MAD1L1: variants seen among roughly 807,000 people sequenced by gnomAD.
The protein encoded by MAD1L1 is mitotic arrest deficient 1 like 1.
Under a neutral mutation model 96.9 loss-of-function variants are expected in MAD1L1, and 95 were observed. The observed-to-expected ratio is 0.98, with a 90% CI of 0.83 to 1.16. The LOEUF is 1.16. MAD1L1 is among the 50% of genes most tolerant of loss of function. The pLI, the probability that MAD1L1 is intolerant of heterozygous loss-of-function variation, is 0.00. For missense variants in MAD1L1, 1,007 were observed against 954.4 expected, an observed-to-expected ratio of 1.06 and a Z score of -0.73; for synonymous variants, 473 against 396.6, an observed-to-expected ratio of 1.19 and a Z score of -2.29.
At position 2,010,493 on chromosome 7, in the gene MAD1L1, G is replaced by A. The variant is rs188788662; in HGVS notation, c.1359+4009C>T. On this transcript the variant is annotated intron_variant, in intron 13 of 18. Transcript: ENST00000265854. Reference sequence around the variant, plus strand: ...GTTGAATCAAGGTGGCGTGCACTGCGTATTTATAGCTCTATCCACAGAGGA... The same window carrying A: ...GTTGAATCAAGGTGGCGTGCACTGCATATTTATAGCTCTATCCACAGAGGA... Among the ~76,000 whole-genome samples the A allele has an allele frequency of 4.2e-4, 64 of 152,236 alleles. No individual in the cohort carries two copies. In the East Asian group the frequency reaches 6.2e-3, roughly 15 times the overall value.
At position 1,863,587 on chromosome 7, in the gene MAD1L1, G is replaced by A. The variant is rs114588098; in HGVS notation, c.1998+34613C>T. 4.0e-3 allele frequency among the ~76,000 whole-genome samples: 614 copies of A among 152,330 alleles called. 5 individuals are homozygous for A. The highest frequency in any genetic ancestry group is 0.013 in the African/African-American group (560 of 41,576). ...AGCCACATCTCACCCCCAGACCCAG[G>A]AGGAGACTTGGGCTTGCAGAGACCG... On this transcript the variant is annotated intron_variant, in intron 18 of 18. Coordinates refer to ENST00000265854, the MANE Select transcript of MAD1L1 (RefSeq NM_001013836.2).
At chr7:2,044,692 G>A (rs1453141096) in intron 12 of MAD1L1, among the ~76,000 whole-genome samples, 1 of 152,164 alleles carries the variant, frequency 6.6e-6, no homozygotes, top group Non-Finnish European at 1.5e-5. Context: ...CAGCGAGGGC[G>A]ACTCAGCACA....
chr7:1,984,805 T>C (rs1260860814), intron 14 of MAD1L1, among the ~76,000 whole-genome samples: 3 of 152,266 alleles, frequency 2.0e-5, no homozygotes, highest in African/African-American at 2.4e-5. Context: ...TTTGTGTCTA[T>C]TTCTGTTGTA....
intron 18 of MAD1L1, among the ~76,000 whole-genome samples, chr7:1,818,861 G>C (rs1320631557): frequency 6.6e-6 from 1 of 151,538 alleles, no homozygotes; most frequent in East Asian, 1.9e-4. Flanking sequence ...CCCTCCAGGT[G>C]GGGGTGGGGG....
intron 18 of MAD1L1, among the ~76,000 whole-genome samples, chr7:1,850,904 G>A (rs1783934404): frequency 6.6e-6 from 1 of 152,180 alleles, no homozygotes; most frequent in South Asian, 2.1e-4. Context: ...ACCCCGTGTG[G>A]GACCCCCATA....
intron 16 of MAD1L1, among the ~76,000 whole-genome samples, chr7:1,941,216 G>C (rs536479764): frequency 4.3e-4 from 65 of 152,316 alleles, no homozygotes; most frequent in African/African-American, 1.5e-3. Flanking sequence ...AGGACGTCAA[G>C]TTCCCCGGGG....
chr7:2,220,845 C>T (rs1405005113), intron 5 of MAD1L1: 5 of 1,566,580 alleles, frequency 3.2e-6, no homozygotes, highest in African/African-American at 1.4e-5. Flanking sequence ...ACAATAAACA[C>T]ATCCTCCCAG....
chr7:2,115,216 T>C (rs1787604655), intron 11 of MAD1L1, among the ~76,000 whole-genome samples: 1 of 152,084 alleles, frequency 6.6e-6, no homozygotes, highest in Non-Finnish European at 1.5e-5. Flanking sequence ...TCCCGCATGT[T>C]CCGGGGTCAG....
At chr7:2,061,702 A>C (rs1158429009) in intron 12 of MAD1L1, among the ~76,000 whole-genome samples, 1 of 152,258 alleles carries the variant, frequency 6.6e-6, no homozygotes, top group Non-Finnish European at 1.5e-5. Flanking sequence ...AACGTCATAC[A>C]CGTGTTAAAA....
chr7:1,827,657 AGCCCGGCCCGG>A (rs1782488706), intron 18 of MAD1L1, among the ~76,000 whole-genome samples: 1 of 93,628 alleles, frequency 1.1e-5, no homozygotes, highest in Non-Finnish European at 2.3e-5. Flanking sequence ...TCCCCTCCTG[AGCCCGGCCCGG>A]GTGTGGGGGC....
intron 12 of MAD1L1, among the ~76,000 whole-genome samples, chr7:2,062,235 C>T (rs1424478567): frequency 2.1e-5 from 3 of 140,610 alleles, no homozygotes; most frequent in Admixed American, 7.4e-5. Flanking sequence ...GAGCGAGACT[C>T]CATTTCAAAA....
intron 10 of MAD1L1, among the ~76,000 whole-genome samples, chr7:2,153,377 G>A (rs757457491): frequency 3.3e-5 from 5 of 152,080 alleles, no homozygotes; most frequent in Non-Finnish European, 7.4e-5. Flanking sequence ...GAAAAAGTAG[G>A]CAAAGGACAC....
intron 18 of MAD1L1, among the ~76,000 whole-genome samples, chr7:1,866,606 G>A (rs577565003): frequency 6.6e-6 from 1 of 152,330 alleles, no homozygotes; most frequent in African/African-American, 2.4e-5. Context: ...AGACGCCACG[G>A]GAGGCTGCGG....
chr7:2,124,154 G>C (rs992681999), intron 11 of MAD1L1, among the ~76,000 whole-genome samples: 1 of 152,312 alleles, frequency 6.6e-6, no homozygotes, highest in East Asian at 1.9e-4. Flanking sequence ...GCCACGCCAC[G>C]CCCCTGCTCA....
intron 12 of MAD1L1, among the ~76,000 whole-genome samples, chr7:2,017,157 C>T (rs934116454): frequency 1.3e-5 from 2 of 152,220 alleles, no homozygotes; most frequent in African/African-American, 4.8e-5. Flanking sequence ...ACAGCAGGCA[C>T]GGTGTGGGTG....
intron 10 of MAD1L1, among the ~76,000 whole-genome samples, chr7:2,200,082 T>C (rs1013993014): frequency 4.6e-5 from 7 of 152,134 alleles, no homozygotes; most frequent in Admixed American, 2.6e-4. Context: ...CTGCCCTCCA[T>C]CCTCCACCCC....
chr7:2,083,812 G>A (rs897274400), intron 11 of MAD1L1, among the ~76,000 whole-genome samples: 4 of 152,202 alleles, frequency 2.6e-5, no homozygotes, highest in South Asian at 2.1e-4. Context: ...CTGCAGGAGC[G>A]CCCGTTCCCA....
At chr7:2,183,954 C>T (rs185478317) in intron 10 of MAD1L1, among the ~76,000 whole-genome samples, 17 of 151,542 alleles carry the variant, frequency 1.1e-4, no homozygotes, top group Non-Finnish European at 2.1e-4. Flanking sequence ...AGCTATTAAG[C>T]AAAAGAAAGA....
chr7:2,133,858 T>C (rs901604201), intron 11 of MAD1L1, among the ~76,000 whole-genome samples: 1 of 152,198 alleles, frequency 6.6e-6, no homozygotes, highest in Non-Finnish European at 1.5e-5. Flanking sequence ...TCTGTGTGGG[T>C]CTATCTCGTG....
Sources: gnomAD v4.1 joint callset for allele counts (sites outside exome capture counted in the v4.1 genomes callset) on GRCh38, gnomAD v4.1.1 for gene constraint, MANE v1.5 for transcripts, NCBI Gene and HGNC (gene_info 2026-07-23, HGNC 2026-07-21) for gene names.